FSTL4: variants seen among roughly 807,000 people sequenced by gnomAD.
FSTL4 encodes the protein follistatin-related protein 4.
In FSTL4, 28 loss-of-function variants were observed where a neutral mutation model predicts 78.2. The observed-to-expected ratio is 0.36, with a 90% CI of 0.27 to 0.49. The LOEUF is 0.49. FSTL4 is among the 20% of genes least tolerant of loss of function. FSTL4 has a pLI of 0.98. For synonymous variants in FSTL4, 422 were observed against 440.5 expected (o/e 0.96, Z 0.53); for missense variants, 922 against 1,084.9 (o/e 0.85, Z 2.11).
chr5:133,660,045 A>G, the FSTL4 span, among the ~76,000 whole-genome samples: 240 of 152,326 alleles, frequency 1.6e-3, 1 homozygote, highest in African/African-American at 5.5e-3. Context: ...TGTCTACCCA[A>G]TATGCTCAAA....
At chr5:133,626,660 C>T in the FSTL4 span, among the ~76,000 whole-genome samples, 5 of 151,474 alleles carry the variant, frequency 3.3e-5, no homozygotes, top group Admixed American at 3.3e-4. Context: ...TTATTTAGAA[C>T]TGTGTTGTTA....
At chr5:133,284,707 C>T (rs557313152) in intron 6 of FSTL4, among the ~76,000 whole-genome samples, 29 of 152,312 alleles carry the variant, frequency 1.9e-4, no homozygotes, top group Middle Eastern at 3.4e-3. Context: ...TGGATGAACC[C>T]CCACAGGCCA....
At chr5:133,451,693 T>C (rs1377016681) in intron 3 of FSTL4, among the ~76,000 whole-genome samples, 1 of 152,156 alleles carries the variant, frequency 6.6e-6, no homozygotes, top group Non-Finnish European at 1.5e-5. Flanking sequence ...GTGGAACACT[T>C]TGCTGGGTAC....
At chr5:133,674,498 C>A in the FSTL4 span, among the ~76,000 whole-genome samples, 2 of 152,012 alleles carry the variant, frequency 1.3e-5, no homozygotes, top group Non-Finnish European at 2.9e-5. Context: ...GAAAAGCTAA[C>A]TTTATTAATT....
intron 11 of FSTL4, 99 bp from the exon 12 acceptor site, chr5:133,220,965 G>T (rs1435473898): frequency 1.3e-6 from 1 of 790,786 alleles, no homozygotes; most frequent in Non-Finnish European, 2.3e-6. Context: ...CCACGTGGAT[G>T]CATCTGGTGC....
At chr5:133,437,697 G>A (rs1757065276) in intron 3 of FSTL4, among the ~76,000 whole-genome samples, 1 of 151,704 alleles carries the variant, frequency 6.6e-6, no homozygotes, top group Non-Finnish European at 1.5e-5. Flanking sequence ...CGCCATATTG[G>A]CCAGGCTGGT....
chr5:133,789,170 T>A, the FSTL4 span, among the ~76,000 whole-genome samples: 2 of 151,504 alleles, frequency 1.3e-5, no homozygotes. Flanking sequence ...GAGCCAGGAG[T>A]GGGAGGTGGC....
intron 4 of FSTL4, among the ~76,000 whole-genome samples, chr5:133,394,781 G>T (rs1424507599): frequency 6.6e-6 from 1 of 152,260 alleles, no homozygotes; most frequent in Non-Finnish European, 1.5e-5. Flanking sequence ...GCAGCCCGGT[G>T]AGGGATCCAC....
the FSTL4 span, among the ~76,000 whole-genome samples, chr5:133,796,297 C>T: frequency 6.6e-6 from 1 of 152,206 alleles, no homozygotes; most frequent in Non-Finnish European, 1.5e-5. Context: ...GCTTGTGTTA[C>T]AGTATGCCCT....
the FSTL4 span, among the ~76,000 whole-genome samples, chr5:133,748,541 G>A: frequency 4.6e-5 from 7 of 152,134 alleles, no homozygotes; most frequent in South Asian, 2.1e-4. Context: ...ACTGCACTCC[G>A]GCCTGGGTGA....
the FSTL4 span, among the ~76,000 whole-genome samples, chr5:133,712,699 G>C: frequency 3.3e-5 from 5 of 152,342 alleles, no homozygotes; most frequent in African/African-American, 1.2e-4. Context: ...AGAGCTATCA[G>C]GTTGCTCGTG....
chr5:133,531,839 A>C (rs1759259749), intron 3 of FSTL4, among the ~76,000 whole-genome samples: 1 of 152,200 alleles, frequency 6.6e-6, no homozygotes, highest in Non-Finnish European at 1.5e-5. Flanking sequence ...CCATCCCCGT[A>C]GGACACAACC....
At chr5:133,737,784 T>C in the FSTL4 span, among the ~76,000 whole-genome samples, 5 of 152,070 alleles carry the variant, frequency 3.3e-5, no homozygotes, top group African/African-American at 9.7e-5. Context: ...TTTGTATTTT[T>C]AGTAGAGACG....
In FSTL4 at chr5:133,478,436, G is replaced by A. The variant is rs543250433; in HGVS notation, c.161-77450C>T. Among the ~76,000 whole-genome samples, 15 of 150,836 alleles carry A rather than the reference G, an allele frequency of 9.9e-5. No individual in the cohort carries two copies. In the South Asian group the frequency reaches 2.5e-3, roughly 25 times the overall value. ...CACAGGAAGGAGCATCCGTAGCTGT[G>A]GTAACAGGCGGGGATAAATAATGCA... On this transcript the variant is annotated intron_variant, in intron 3 of 15. Transcript: ENST00000265342.
At chr5:133,738,542 G>T in the FSTL4 span, among the ~76,000 whole-genome samples, 1 of 152,146 alleles carries the variant, frequency 6.6e-6, no homozygotes, top group Non-Finnish European at 1.5e-5. Context: ...ACCCCACTCT[G>T]CTTGGCCATG....
the FSTL4 span, among the ~76,000 whole-genome samples, chr5:133,825,110 G>A: frequency 4.6e-5 from 7 of 152,152 alleles, no homozygotes; most frequent in African/African-American, 1.7e-4. Context: ...AGGTCACTCA[G>A]GGACTCAGTG....
At chr5:133,694,174 A>AT in the FSTL4 span, among the ~76,000 whole-genome samples, 1 of 152,206 alleles carries the variant, frequency 6.6e-6, no homozygotes, top group African/African-American at 2.4e-5. Flanking sequence ...AACTGATGCA[A>AT]TTTGTGCCTA....
chr5:133,678,942 T>G, the FSTL4 span, among the ~76,000 whole-genome samples: 10 of 152,114 alleles, frequency 6.6e-5, no homozygotes, highest in Middle Eastern at 3.2e-3. Context: ...CATCATCACG[T>G]TGTTCCACAC....
chr5:133,731,750 C>T, the FSTL4 span, among the ~76,000 whole-genome samples: 1 of 152,166 alleles, frequency 6.6e-6, no homozygotes, highest in Admixed American at 6.5e-5. Flanking sequence ...AGTCACAGAG[C>T]ATCCCCCAAG....
Sources: gnomAD v4.1 joint callset for allele counts (sites outside exome capture counted in the v4.1 genomes callset) on GRCh38, gnomAD v4.1.1 for gene constraint, MANE v1.5 for transcripts, NCBI Gene and HGNC (gene_info 2026-07-23, HGNC 2026-07-21) for gene names.